DNM2: variants seen among roughly 807,000 people sequenced by gnomAD.
DNM2 encodes dynamin-2.
DNM2 carries 15 observed loss-of-function variants against 99.0 expected under a neutral mutation model. The observed-to-expected ratio is 0.15, with a 90% CI of 0.10 to 0.23. The LOEUF (loss-of-function observed/expected upper bound fraction) is 0.23. DNM2 is among the 10% of genes least tolerant of loss of function. The probability of loss-of-function intolerance (pLI) is 1.00; values close to 1 mark genes in which losing one functional copy is unlikely to be tolerated. For missense variants in DNM2, 742 were observed against 1,189.4 expected, an observed-to-expected ratio of 0.62 and a Z score of 5.53; for synonymous variants, 525 against 481.2, an observed-to-expected ratio of 1.09 and a Z score of -1.19.
In DNM2 at chr19:10,796,479, G is replaced by A. The variant is rs1210853108; in HGVS notation, c.1197-901G>A. Among the ~76,000 whole-genome samples the A allele has an allele frequency of 1.3e-5, 2 of 152,130 alleles. No homozygotes were observed. The highest frequency in any genetic ancestry group is 2.9e-5 in the Non-Finnish European group (2 of 68,010). On this transcript the variant is annotated intron_variant, in intron 9 of 20. Coordinates refer to ENST00000389253, the MANE Select transcript of DNM2 (RefSeq NM_001005361.3). The surrounding 1 kb of genome is among the most constrained non-coding windows in gnomAD (Gnocchi z 5.6). ...CCTAGCATGTGTCTGATGAAATTGG[G>A]GTTTCACTGGGCTGTTGCTTTGCTG...
chr19:10,789,381 G>C (rs1368451991), intron 7 of DNM2, among the ~76,000 whole-genome samples: 1 of 152,122 alleles, frequency 6.6e-6, no homozygotes, highest in Non-Finnish European at 1.5e-5. Flanking sequence ...GGTCATAGCA[G>C]CTGTCATCTC....
chr19:10,738,888 G>T (rs1194253187), intron 1 of DNM2, among the ~76,000 whole-genome samples: 3 of 145,232 alleles, frequency 2.1e-5, no homozygotes, highest in African/African-American at 7.6e-5. Flanking sequence ...AAAAAAAAAG[G>T]CTGGGCTCAG....
chr19:10,736,522 A>G (rs964520810), intron 1 of DNM2, among the ~76,000 whole-genome samples: 25 of 152,150 alleles, frequency 1.6e-4, no homozygotes, highest in Admixed American at 1.0e-3. Context: ...TTGCCTCCAC[A>G]TATATATTTT....
In DNM2 at chr19:10,831,735, G is replaced by A. The variant is rs1042510018; in HGVS notation, c.*688G>A. The stretch of plus-strand genomic sequence containing the variant: ...TTGGGCTATGTGGGTGGTGGTGGCG[G>A]GGGGTCTTGGGGGCCTCTCAGCTCC... On this transcript the variant is annotated 3_prime_UTR_variant, in exon 21 of 21. Coordinates refer to ENST00000389253, the MANE Select transcript of DNM2 (RefSeq NM_001005361.3). The surrounding 1 kb of genome is among the most constrained non-coding windows in gnomAD (Gnocchi z 4.3). 2.0e-6 allele frequency: 2 copies of A among 986,246 alleles called. No individual in the cohort carries two copies. The highest frequency in any genetic ancestry group is 2.4e-6 in the Non-Finnish European group (2 of 830,424). 61.1% of individuals were successfully genotyped at this position (986,246 alleles called of 1,614,324 possible).
intron 2 of DNM2, among the ~76,000 whole-genome samples, chr19:10,771,032 A>G (rs1469247514): frequency 2.0e-5 from 3 of 152,068 alleles, no homozygotes; most frequent in Non-Finnish European, 2.9e-5. Context: ...GGCTCAAGTG[A>G]TCCACCCTCC....
rs2145877186 is a variant in DNM2, at chr19:10,764,821, C to T, written c.235+5010C>T. On this transcript the variant is annotated intron_variant, in intron 2 of 20. Coordinates refer to ENST00000389253, the MANE Select transcript of DNM2 (RefSeq NM_001005361.3). This position sits in a 1 kb window ranked among gnomAD's most constrained non-coding sequence, Gnocchi z 4.1. Reference sequence around the variant, plus strand: ...CTTGCTGGTTCCCACTGCTTGGCCTCTGTGCTCACTGTGCTGCCTGCCTGG... The same window carrying T: ...CTTGCTGGTTCCCACTGCTTGGCCTTTGTGCTCACTGTGCTGCCTGCCTGG... 6.6e-6 allele frequency among the ~76,000 whole-genome samples: 1 copy of T among 152,340 alleles called. No homozygotes were observed. The highest frequency in any genetic ancestry group is 3.4e-3 in the Middle Eastern group (1 of 294).
rs772730983 is a variant in DNM2 at position 10,775,755 on chromosome 19, C to T, written c.438C>T (p.Gly146=). 11 of 1,614,048 alleles carry T rather than the reference C, an allele frequency of 6.8e-6. No homozygotes were observed. Among genetic ancestry groups the T allele is most frequent in the East Asian group, 2.2e-5 (1 of 44,868 alleles). The change falls in exon 4 of 21, where the codon GGC becomes GGT. Residue 146 remains glycine, a synonymous_variant. Transcript: ENST00000389253. The surrounding 1 kb of genome is among the most constrained non-coding windows in gnomAD (Gnocchi z 4.3). ...DLPGITKVPV[G]DQPPDIEYQI... ...CGGGTATCACCAAGGTGCCTGTGGG[C>T]GACCAGCCTCCAGACATCGAGTACC...
intron 7 of DNM2, among the ~76,000 whole-genome samples, chr19:10,788,070 T>G (rs1327538363): frequency 1.4e-5 from 2 of 142,648 alleles, no homozygotes; most frequent in Non-Finnish European, 3.0e-5. Context: ...CTGTCTCTAC[T>G]GAAAATACAA....
intron 18 of DNM2, among the ~76,000 whole-genome samples, chr19:10,825,532 G>A (rs937796532): frequency 6.6e-6 from 1 of 152,160 alleles, no homozygotes; most frequent in Non-Finnish European, 1.5e-5. Flanking sequence ...AGCCGGGCAC[G>A]GTAGCTCACG....
intron 18 of DNM2, among the ~76,000 whole-genome samples, chr19:10,825,781 G>A (rs1480949073): frequency 6.6e-6 from 1 of 151,502 alleles, no homozygotes; most frequent in Admixed American, 6.6e-5. Context: ...TTGAACCTGG[G>A]AGATGGAGAT....
Position 10,813,171 on chromosome 19 carries a change from G to A in DNM2, c.1671+794G>A, listed in dbSNP as rs146920143. On this transcript the variant is annotated intron_variant, in intron 15 of 20. Transcript: ENST00000389253. ...GGTGCTTGGCCACAGTGTGCAGAAC[G>A]ATCCCCACATGCTCGTCATTATGGG... 5.1e-3 allele frequency among the ~76,000 whole-genome samples: 776 copies of A among 152,302 alleles called. 9 individuals carry two copies. The highest frequency in any genetic ancestry group is 0.018 in the African/African-American group (748 of 41,560).
Position 10,811,562 on chromosome 19 carries a change from C to A in DNM2, c.1558-702C>A, listed in dbSNP as rs2072544994. The A allele has an allele frequency of 2.6e-6, 1 of 387,912 alleles. No individual in the cohort carries two copies. Among genetic ancestry groups the A allele is most frequent in the South Asian group, 1.9e-5 (1 of 53,768 alleles). 24.0% of individuals were successfully genotyped at this position (387,912 alleles called of 1,614,324 possible). A position where few individuals can be genotyped will look rare whatever the true frequency, so the allele number is the denominator to read the frequency against. ...GTGCCTCCGTGTGCTTCCTGCAGCT[C>A]CCAGGGCCCTCGTCCTGAGTGGGGT... On this transcript the variant is annotated intron_variant, in intron 14 of 20. Transcript: ENST00000389253. The surrounding 1 kb of genome is among the most constrained non-coding windows in gnomAD (Gnocchi z 5.4).
Position 10,811,396 on chromosome 19 carries a change from C to T in DNM2, c.1558-868C>T, listed in dbSNP as rs577584173. On this transcript the variant is annotated intron_variant, in intron 14 of 20. Coordinates refer to ENST00000389253, the MANE Select transcript of DNM2 (RefSeq NM_001005361.3). This position sits in a 1 kb window ranked among gnomAD's most constrained non-coding sequence, Gnocchi z 5.4. Reference sequence around the variant, plus strand: ...GGATTCCTGGAGGCCCCATCTCTGGCGCTCCTGCCGTGCCGTGCCCTGCCA... The same window carrying T: ...GGATTCCTGGAGGCCCCATCTCTGGTGCTCCTGCCGTGCCGTGCCCTGCCA... 26 of 279,744 alleles carry T rather than the reference C, an allele frequency of 9.3e-5. No homozygotes were observed. The highest frequency in any genetic ancestry group is 3.1e-4 in the African/African-American group (14 of 44,702). The allele number at this position is 279,744 out of a possible 1,614,324, so 17.3% of individuals were successfully genotyped here.
rs537437189 is a variant in DNM2, at chr19:10,795,557, A to G, written c.1196+118A>G. ...CGTTAGGCCTTAAGAGGGCTCTTGG[A>G]TGGTTTTCTGTAGCTGCGAGCCCCT... is the stretch of plus-strand genomic sequence containing the variant. On this transcript the variant is annotated intron_variant, in intron 9 of 20. Coordinates refer to ENST00000389253, the MANE Select transcript of DNM2 (RefSeq NM_001005361.3). The surrounding 1 kb of genome is among the most constrained non-coding windows in gnomAD (Gnocchi z 4.2). The G allele has an allele frequency of 5.8e-5, 72 of 1,241,712 alleles. No homozygotes were observed. In the Admixed American group the frequency reaches 1.0e-3, roughly 18 times the overall value. The allele number at this position is 1,241,712 out of a possible 1,614,324, so 76.9% of individuals were successfully genotyped here. A position where few individuals can be genotyped will look rare whatever the true frequency, so the allele number is the denominator to read the frequency against.
At chr19:10,782,585 C>A (rs1159386569) in intron 5 of DNM2, among the ~76,000 whole-genome samples, 1 of 149,596 alleles carries the variant, frequency 6.7e-6, no homozygotes, top group East Asian at 2.0e-4. Flanking sequence ...GCCTCGAGCT[C>A]CTTACCTTGT....
At chr19:10,721,476 A>T (rs770433197) in intron 1 of DNM2, among the ~76,000 whole-genome samples, 3 of 152,186 alleles carry the variant, frequency 2.0e-5, no homozygotes, top group Non-Finnish European at 4.4e-5. Context: ...GTATTAATTC[A>T]GTACCTGAAA....
chr19:10,741,772 C>T (rs987233883), intron 1 of DNM2, among the ~76,000 whole-genome samples: 1 of 151,382 alleles, frequency 6.6e-6, no homozygotes, highest in Non-Finnish European at 1.5e-5. Flanking sequence ...AGGATGGTCT[C>T]TATCTCCTGA....
intron 12 of DNM2, among the ~76,000 whole-genome samples, chr19:10,803,003 G>A (rs2072208474): frequency 6.6e-6 from 1 of 152,216 alleles, no homozygotes; most frequent in African/African-American, 2.4e-5. Context: ...GGCAGGCCGG[G>A]TGGTGCCGCT....
intron 2 of DNM2, among the ~76,000 whole-genome samples, chr19:10,760,539 C>T (rs181246215): frequency 1.6e-4 from 25 of 152,260 alleles, no homozygotes; most frequent in Non-Finnish European, 2.8e-4. Flanking sequence ...AGTTTCTACT[C>T]AGCATGTCGC....
Sources: gnomAD v4.1 joint callset for allele counts (sites outside exome capture counted in the v4.1 genomes callset) on GRCh38, gnomAD v4.1.1 for gene constraint, Gnocchi (gnomAD v3.1) non-coding constraint, MANE v1.5 for transcripts, NCBI Gene and HGNC (gene_info 2026-07-23, HGNC 2026-07-21) for gene names.